Variants in SNTB1 observed in about 807,000 individuals in gnomAD.
The protein encoded by SNTB1 is beta-1-syntrophin.
SNTB1 carries 36 observed loss-of-function variants against 48.9 expected under a neutral mutation model. That is an observed-to-expected ratio of 0.74 (90% confidence interval 0.56 to 0.97). SNTB1 has a LOEUF of 0.97. Ranked by LOEUF, SNTB1 falls within the 50% of genes least tolerant of loss-of-function variation. The pLI, the probability that SNTB1 is intolerant of heterozygous loss-of-function variation, is 0.00. For missense variants in SNTB1, 786 were observed against 703.4 expected, an observed-to-expected ratio of 1.12 and a Z score of -1.33; for synonymous variants, 299 against 294.6, an observed-to-expected ratio of 1.01 and a Z score of -0.15.
intron 1 of SNTB1, among the ~76,000 whole-genome samples, chr8:120,707,503 T>C (rs1416926964): frequency 6.6e-6 from 1 of 152,164 alleles, no homozygotes; most frequent in Admixed American, 6.5e-5. Context: ...CCTCACAAGA[T>C]TTAAGGCTAA....
At position 120,764,769 on chromosome 8, in the gene SNTB1, A is replaced by C. The variant is rs1819488093; in HGVS notation, c.571+46504T>G. Among the ~76,000 whole-genome samples the C allele has an allele frequency of 2.0e-5, 3 of 152,190 alleles. No individual in the cohort carries two copies. In the South Asian group the frequency reaches 6.2e-4, roughly 32 times the overall value. ...CACTAGACATAAAATTATTAAATAC[A>C]TAAGTGTAGACTTTAATAAGTGATG... On this transcript the variant is annotated intron_variant, in intron 1 of 6. Coordinates refer to ENST00000517992, the MANE Select transcript of SNTB1 (RefSeq NM_021021.4).
chr8:120,703,132 A>AT (rs1563856043), intron 1 of SNTB1, among the ~76,000 whole-genome samples: 1 of 151,954 alleles, frequency 6.6e-6, no homozygotes, highest in East Asian at 1.9e-4. Flanking sequence ...ATATTTTTTA[A>AT]TTTTTTTTGA....
At chr8:120,594,807 CA>C (rs1816297241) in intron 3 of SNTB1, among the ~76,000 whole-genome samples, 1 of 151,830 alleles carries the variant, frequency 6.6e-6, no homozygotes, top group Non-Finnish European at 1.5e-5. Context: ...AAAGTAAAGG[CA>C]AAAGAAGACA....
intron 4 of SNTB1, among the ~76,000 whole-genome samples, chr8:120,571,659 A>G (rs1815855413): frequency 6.6e-6 from 1 of 151,670 alleles, no homozygotes; most frequent in South Asian, 2.1e-4. Flanking sequence ...CCACCACACC[A>G]GGCTAATTTT....
intron 1 of SNTB1, among the ~76,000 whole-genome samples, chr8:120,706,628 G>T (rs1818380252): frequency 6.6e-6 from 1 of 152,164 alleles, no homozygotes; most frequent in African/African-American, 2.4e-5. Flanking sequence ...GTAACAGGCA[G>T]AAAGGATGTC....
At position 120,670,624 on chromosome 8, in the gene SNTB1, A is replaced by G. The variant is rs567531025; in HGVS notation, c.788+23068T>C. Among the ~76,000 whole-genome samples, 3 of 152,342 alleles carry G rather than the reference A, an allele frequency of 2.0e-5. No homozygotes were observed. In the South Asian group the frequency reaches 6.2e-4, roughly 32 times the overall value. ...AGTATTTTGTAATAAGTGTGCAAATATTATAGCTTTGTAAGTAGATCAAAT... is the reference window on the plus strand; with the variant it reads ...AGTATTTTGTAATAAGTGTGCAAATGTTATAGCTTTGTAAGTAGATCAAAT... On this transcript the variant is annotated intron_variant, in intron 2 of 6. Coordinates refer to ENST00000517992, the MANE Select transcript of SNTB1 (RefSeq NM_021021.4).
intron 1 of SNTB1, among the ~76,000 whole-genome samples, chr8:120,738,640 A>G (rs1242792129): frequency 6.6e-6 from 1 of 150,532 alleles, no homozygotes; most frequent in Non-Finnish European, 1.5e-5. Context: ...TCCTAGCACT[A>G]TCTTCTACAG....
rs1816023550 is a variant in SNTB1 at position 120,580,256 on chromosome 8, C to A, written c.997-5031G>T. Among the ~76,000 whole-genome samples the A allele has an allele frequency of 2.0e-5, 3 of 152,152 alleles. No individual in the cohort carries two copies. In the South Asian group the frequency reaches 6.2e-4, roughly 32 times the overall value. On this transcript the variant is annotated intron_variant, in intron 3 of 6. Coordinates refer to ENST00000517992, the MANE Select transcript of SNTB1 (RefSeq NM_021021.4). ...ATTTACTTTCCACCTTCTACTTGAG[C>A]ACGCATGGCAGGAAGAGCTCACAGT... is the stretch of plus-strand genomic sequence containing the variant.
At chr8:120,774,809 A>T (rs1304327196) in intron 1 of SNTB1, among the ~76,000 whole-genome samples, 8 of 151,968 alleles carry the variant, frequency 5.3e-5, no homozygotes, top group Non-Finnish European at 1.5e-5. Flanking sequence ...ACCCACCACC[A>T]CGCCCTGCTA....
chr8:120,542,561 G>A lies in SNTB1; in HGVS notation c.1334-561C>T, dbSNP rs146797653. ...CCCAGCTACTCTGGAGGCTGAGGCA[G>A]GAGAATGGCTTGAACTTGGGAGGCA... On this transcript the variant is annotated intron_variant, in intron 5 of 6. Transcript: ENST00000517992. 4.7e-3 allele frequency among the ~76,000 whole-genome samples: 719 copies of A among 152,312 alleles called. 10 individuals are homozygous for A. The highest frequency in any genetic ancestry group is 0.016 in the African/African-American group (663 of 41,558).
chr8:120,677,403 C>A (rs1410592283), intron 2 of SNTB1, among the ~76,000 whole-genome samples: 1 of 152,218 alleles, frequency 6.6e-6, no homozygotes, highest in Admixed American at 6.5e-5. Flanking sequence ...TGCAAACTGA[C>A]CTAGTTCTTC....
chr8:120,733,826 A>G (rs1277034287), intron 1 of SNTB1, among the ~76,000 whole-genome samples: 1 of 152,218 alleles, frequency 6.6e-6, no homozygotes, highest in African/African-American at 2.4e-5. Flanking sequence ...TACTGCCTCA[A>G]GGAAGAGTAG....
At chr8:120,644,418 T>A (rs1433719702) in intron 2 of SNTB1, among the ~76,000 whole-genome samples, 1 of 150,112 alleles carries the variant, frequency 6.7e-6, no homozygotes, top group Non-Finnish European at 1.5e-5. Flanking sequence ...CGATGTTTGG[T>A]TTTTTGTTCT....
At chr8:120,680,185 C>T (rs781051484) in intron 2 of SNTB1, among the ~76,000 whole-genome samples, 9 of 152,166 alleles carry the variant, frequency 5.9e-5, no homozygotes, top group Non-Finnish European at 1.3e-4. Context: ...GAGGAAGACT[C>T]CATAGCATCC....
At chr8:120,695,305 GA>G (rs1421245792) in intron 1 of SNTB1, among the ~76,000 whole-genome samples, 7 of 152,196 alleles carry the variant, frequency 4.6e-5, no homozygotes, top group African/African-American at 1.7e-4. Context: ...AGACTACAGA[GA>G]TGAACAATAC....
chr8:120,692,665 A>G (rs542808075), intron 2 of SNTB1, among the ~76,000 whole-genome samples: 1 of 152,058 alleles, frequency 6.6e-6, no homozygotes, highest in Non-Finnish European at 1.5e-5. Flanking sequence ...AGCATTCCAG[A>G]CTTGGACCAA....
chr8:120,698,885 C>A (rs1244203810), intron 1 of SNTB1, among the ~76,000 whole-genome samples: 1 of 152,112 alleles, frequency 6.6e-6, no homozygotes, highest in African/African-American at 2.4e-5. Flanking sequence ...CTATACCTGG[C>A]AATCAAAATA....
intron 1 of SNTB1, among the ~76,000 whole-genome samples, chr8:120,712,219 C>A (rs1359300584): frequency 6.6e-6 from 1 of 151,964 alleles, no homozygotes; most frequent in East Asian, 1.9e-4. Flanking sequence ...TCGAGACCAT[C>A]CTGGCTAACA....
At chr8:120,638,047 G>T in intron 2 of SNTB1, 1 of 161,012 alleles carries the variant, frequency 6.2e-6, no homozygotes. Flanking sequence ...GATAAATTCT[G>T]TTCTCTTATT....
Sources: allele counts gnomAD v4.1 joint callset (sites outside exome capture counted in the v4.1 genomes callset), GRCh38; gene constraint gnomAD v4.1.1; transcripts MANE v1.5; gene names NCBI Gene and HGNC (gene_info 2026-07-23, HGNC 2026-07-21).